Variants in CRADD observed in about 807,000 individuals in gnomAD.
CRADD encodes the protein death domain-containing protein CRADD.
CRADD carries 9 observed loss-of-function variants against 15.5 expected under a neutral mutation model. The ratio of observed to expected loss-of-function variants is 0.58; its 90% CI spans 0.35 to 1.01. The LOEUF (loss-of-function observed/expected upper bound fraction) is 1.01. Among genes scored for constraint, CRADD ranks in the 50% least tolerant of loss-of-function variants. The probability of loss-of-function intolerance (pLI) is 0.02; values close to 1 mark genes in which losing one functional copy is unlikely to be tolerated. For synonymous variants in CRADD, 118 were observed against 107.6 expected, an observed-to-expected ratio of 1.10 and a Z score of -0.60; for missense variants, 227 against 250.3, an observed-to-expected ratio of 0.91 and a Z score of 0.63.
At chr12:93,828,549 G>A (rs1054130966) in intron 2 of CRADD, among the ~76,000 whole-genome samples, 1 of 152,228 alleles carries the variant, frequency 6.6e-6, no homozygotes, top group African/African-American at 2.4e-5. Flanking sequence ...ATGTGTGCTT[G>A]TGCGTATGGA....
At chr12:93,802,083 C>G (rs988846027) in intron 2 of CRADD, among the ~76,000 whole-genome samples, 11 of 152,158 alleles carry the variant, frequency 7.2e-5, no homozygotes, top group African/African-American at 2.7e-4. Flanking sequence ...TTTTCTTTAT[C>G]CATTCGTTGG....
intron 2 of CRADD, among the ~76,000 whole-genome samples, chr12:93,843,097 A>C (rs1253428897): frequency 3.9e-5 from 6 of 152,158 alleles, no homozygotes; most frequent in African/African-American, 1.4e-4. Context: ...TTTTAACCAG[A>C]GATAGTACTG....
At chr12:93,881,697 T>C (rs1958503725) in intron 2 of CRADD, among the ~76,000 whole-genome samples, 1 of 152,194 alleles carries the variant, frequency 6.6e-6, no homozygotes, top group Admixed American at 6.5e-5. Context: ...TCAACATTTA[T>C]TATATAAAGT....
intron 2 of CRADD, among the ~76,000 whole-genome samples, chr12:93,834,166 G>A (rs2137032808): frequency 6.6e-6 from 1 of 152,326 alleles, no homozygotes; most frequent in South Asian, 2.1e-4. Context: ...GTATGAGCAT[G>A]AAATGAACTC....
intron 2 of CRADD, among the ~76,000 whole-genome samples, chr12:93,698,064 G>T (rs1025562682): frequency 1.3e-5 from 2 of 152,150 alleles, no homozygotes; most frequent in African/African-American, 4.8e-5. Flanking sequence ...TTCAGGGGAA[G>T]GTCAGAAAAT....
At chr12:93,835,511 G>A (rs1320722268) in intron 2 of CRADD, among the ~76,000 whole-genome samples, 1 of 152,098 alleles carries the variant, frequency 6.6e-6, no homozygotes, top group Non-Finnish European at 1.5e-5. Flanking sequence ...ATATTTTCTT[G>A]TATTGGATCT....
At chr12:93,706,403 G>A (rs1565880159) in intron 2 of CRADD, among the ~76,000 whole-genome samples, 1 of 152,080 alleles carries the variant, frequency 6.6e-6, no homozygotes, top group Admixed American at 6.6e-5. Flanking sequence ...ATGAAAAATT[G>A]ATGCTCTAAA....
intron 2 of CRADD, among the ~76,000 whole-genome samples, chr12:93,760,773 C>T (rs560641656): frequency 2.0e-5 from 3 of 152,184 alleles, no homozygotes; most frequent in African/African-American, 4.8e-5. Context: ...GTGTGAGAAT[C>T]GCCTTACTCT....
At chr12:93,720,920 G>A (rs1253529511) in intron 2 of CRADD, among the ~76,000 whole-genome samples, 1 of 152,136 alleles carries the variant, frequency 6.6e-6, no homozygotes, top group Admixed American at 6.5e-5. Flanking sequence ...GTGATTGTTA[G>A]TTGGGTATAT....
chr12:93,706,144 G>A (rs1955946938), intron 2 of CRADD, among the ~76,000 whole-genome samples: 1 of 152,186 alleles, frequency 6.6e-6, no homozygotes, highest in East Asian at 1.9e-4. Flanking sequence ...TATTGCTAAT[G>A]AATGATTTTT....
intron 2 of CRADD, among the ~76,000 whole-genome samples, chr12:93,741,727 G>A (rs1229531611): frequency 6.6e-6 from 1 of 152,210 alleles, no homozygotes; most frequent in Non-Finnish European, 1.5e-5. Context: ...CAAAGAGGCT[G>A]ATAAAATACT....
intron 2 of CRADD, among the ~76,000 whole-genome samples, chr12:93,844,083 A>G (rs1187643104): frequency 6.6e-6 from 1 of 152,104 alleles, no homozygotes; most frequent in Non-Finnish European, 1.5e-5. Context: ...CTGCATTTTA[A>G]TTTACTTATT....
rs1269376541 is a variant in CRADD at position 93,749,022 on chromosome 12, A to G, written c.298+69950A>G. On this transcript the variant is annotated intron_variant, in intron 2 of 2. Transcript: ENST00000332896. The stretch of plus-strand genomic sequence containing the variant: ...CATATTAACTGCATGCAACCTTTCA[A>G]TAATATTAAGTGCGTAACATCTGCC... Among the ~76,000 whole-genome samples, 4 of 152,204 alleles carry G rather than the reference A, an allele frequency of 2.6e-5. No individual in the cohort carries two copies. The East Asian group carries it at 5.8e-4, about 22-fold the overall frequency.
intron 2 of CRADD, among the ~76,000 whole-genome samples, chr12:93,872,545 G>T (rs1006901392): frequency 6.6e-6 from 1 of 152,226 alleles, no homozygotes; most frequent in Middle Eastern, 3.4e-3. Context: ...CAAGGTCTTA[G>T]ATTTAAGTCT....
intron 2 of CRADD, among the ~76,000 whole-genome samples, chr12:93,840,709 G>A (rs1324869221): frequency 6.6e-6 from 1 of 152,038 alleles, no homozygotes; most frequent in African/African-American, 2.4e-5. Context: ...TGGGATTACA[G>A]GCATGTGCCA....
chr12:93,812,817 G>A (rs1031669054), intron 2 of CRADD, among the ~76,000 whole-genome samples: 1 of 152,216 alleles, frequency 6.6e-6, no homozygotes, highest in African/African-American at 2.4e-5. Context: ...TTTACAACTG[G>A]TGTAAAATTC....
At position 93,791,511 on chromosome 12, in the gene CRADD, C is replaced by CA. The variant is rs752337828; in HGVS notation, c.299-58458dup. On this transcript the variant is annotated intron_variant, in intron 2 of 2. Transcript: ENST00000332896. ...AAACAGAGAGTAGAATGGTGGTTAC[C>CA]AGGGCTGGGGGTTGGGGTGGAGGGC... Among the ~76,000 whole-genome samples the CA allele has an allele frequency of 5.5e-4, 83 of 152,058 alleles. No homozygotes were observed. In the Middle Eastern group the frequency reaches 0.02, roughly 37 times the overall value.
rs184655334 is a variant in CRADD at position 93,763,035 on chromosome 12, G to T, written c.298+83963G>T. Among the ~76,000 whole-genome samples the T allele has an allele frequency of 2.6e-5, 4 of 152,274 alleles. No homozygotes were observed. In the East Asian group the frequency reaches 7.7e-4, roughly 29 times the overall value. On this transcript the variant is annotated intron_variant, in intron 2 of 2. Transcript: ENST00000332896. ...AACCCTCTAGCACTTACAGAATGGT[G>T]ATAATATTGTGTTGAGTGCTATACT...
At chr12:93,865,134 AG>A (rs1958354519) in intron 2 of CRADD, among the ~76,000 whole-genome samples, 1 of 152,190 alleles carries the variant, frequency 6.6e-6, no homozygotes, top group African/African-American at 2.4e-5. Flanking sequence ...TAGATGCTAA[AG>A]TAAAACATCC....
Sources: allele counts gnomAD v4.1 joint callset (sites outside exome capture counted in the v4.1 genomes callset), GRCh38; gene constraint gnomAD v4.1.1; transcripts MANE v1.5; gene names NCBI Gene and HGNC (gene_info 2026-07-23, HGNC 2026-07-21).